Variants in ACP7 observed in about 807,000 individuals in gnomAD.
ACP7 encodes acid phosphatase 7, tartrate resistant (putative).
A neutral mutation model predicts 60.6 loss-of-function variants in ACP7; 58 were observed. That is an observed-to-expected ratio of 0.96 (90% CI 0.77 to 1.19). The LOEUF (loss-of-function observed/expected upper bound fraction) is 1.19, where lower values mean the gene tolerates loss of function less well. Ranked by LOEUF, ACP7 falls within the 50% of genes most tolerant of loss-of-function variation. ACP7 has a pLI of 0.00. For missense variants in ACP7, 574 were observed against 596.2 expected (o/e 0.96, Z 0.39); for synonymous variants, 237 against 232.6 (o/e 1.02, Z -0.17).
chr19:39,088,432 G>A (rs544470869), intron 2 of ACP7, among the ~76,000 whole-genome samples: 2 of 152,306 alleles, frequency 1.3e-5, no homozygotes, highest in East Asian at 3.9e-4. Flanking sequence ...TTTGCCTGGA[G>A]GCCTCTGTAA....
intron 4 of ACP7, 93 bp downstream of exon 4, chr19:39,099,235 C>T (rs1396119822): frequency 7.7e-7 from 1 of 1,299,048 alleles, no homozygotes; most frequent in South Asian, 1.6e-5. Flanking sequence ...GGGTCGGGGG[C>T]GGTGCTAGGA....
intron 2 of ACP7, among the ~76,000 whole-genome samples, chr19:39,086,487 C>T (rs1431246512): frequency 6.6e-6 from 1 of 150,850 alleles, no homozygotes; most frequent in East Asian, 2.0e-4. Context: ...AAAAAATTAG[C>T]TGGGCATGGT....
intron 1 of ACP7, 104 bp from the exon 2 acceptor site, chr19:39,084,988 T>G: frequency 3.0e-6 from 1 of 338,786 alleles, no homozygotes; most frequent in Non-Finnish European, 5.4e-6. Context: ...GTCGTGAGGC[T>G]TCCGTGAATT....
intron 12 of ACP7, among the ~76,000 whole-genome samples, chr19:39,109,548 T>C (rs1402218001): frequency 6.6e-6 from 1 of 151,382 alleles, no homozygotes; most frequent in Admixed American, 6.6e-5. Context: ...CTAGTAAAAA[T>C]ACAAAAATTA....
chr19:39,099,391 C>T (rs1035552601), intron 4 of ACP7, among the ~76,000 whole-genome samples: 1 of 152,174 alleles, frequency 6.6e-6, no homozygotes, highest in South Asian at 2.1e-4. Context: ...GGTTTTCCCC[C>T]GTATATTTTG....
intron 12 of ACP7, among the ~76,000 whole-genome samples, chr19:39,107,578 C>CAAAAAAAAAA (rs34130688): frequency 1.2e-5 from 1 of 81,202 alleles, no homozygotes; most frequent in Non-Finnish European, 2.4e-5. Flanking sequence ...GACTCTGTCT[C>CAAAAAAAAAA]AAAAAAAAAA....
chr19:39,105,553 C>T (rs2073402315), intron 11 of ACP7, among the ~76,000 whole-genome samples: 1 of 152,092 alleles, frequency 6.6e-6, no homozygotes, highest in East Asian at 1.9e-4. Flanking sequence ...TAGGATCTCA[C>T]TCTGTCCCCA....
In ACP7 at chr19:39,100,229, G is replaced by C; in HGVS notation, c.508G>C (p.Asp170His). The change falls in exon 5 of 13, where the codon GAC (aspartate) becomes CAC (histidine). Residue 170 changes from aspartate to histidine, a missense_variant and splice_region_variant. Transcript: ENST00000331256. Reference protein sequence around the residue: ...GMYDAVLHVGDFAYNLDQDNA... With the variant: ...GMYDAVLHVGHFAYNLDQDNA... The stretch of plus-strand genomic sequence containing the variant: ...CCTCCTTCCGCCCCCTCCCCCAGGA[G>C]ACTTTGCCTACAACCTGGATCAGGA... The C allele has an allele frequency of 6.2e-7, 1 of 1,613,934 alleles. No individual in the cohort carries two copies. Among genetic ancestry groups the C allele is most frequent in the Non-Finnish European group, 8.5e-7 (1 of 1,179,938 alleles).
intron 2 of ACP7, among the ~76,000 whole-genome samples, chr19:39,090,232 A>C (rs1224323283): frequency 6.6e-6 from 1 of 151,252 alleles, no homozygotes; most frequent in Non-Finnish European, 1.5e-5. Flanking sequence ...GCAGTGGCGC[A>C]ATCTCGGCTC....
At position 39,105,729 on chromosome 19, in the gene ACP7, C is replaced by G. The variant is rs1255317524; in HGVS notation, c.1114-1218C>G. On this transcript the variant is annotated intron_variant, in intron 11 of 12. Coordinates refer to ENST00000331256, the MANE Select transcript of ACP7 (RefSeq NM_001004318.3). ...GTTTCGCCATGTTGCCCAGGCTGGT[C>G]TTGAACTCCTGGGCTCAAGCAATCT... Among the ~76,000 whole-genome samples the G allele has an allele frequency of 2.6e-5, 4 of 151,894 alleles. 1 individual carries two copies. The highest frequency in any genetic ancestry group is 5.9e-5 in the Non-Finnish European group (4 of 67,990).
In ACP7 at chr19:39,085,144, TC is replaced by T; in HGVS notation, c.-121del. On this transcript the variant is annotated 5_prime_UTR_variant, in exon 2 of 13. Transcript: ENST00000331256. ...AGACCTCCCTGCCCTGCCTCTGTTG[TC>T]CCCCAGAGCACTGCCTGATCATCCT... The T allele has an allele frequency of 8.0e-7, 1 of 1,249,444 alleles. No individual in the cohort carries two copies. Among genetic ancestry groups the T allele is most frequent in the Non-Finnish European group, 1.1e-6 (1 of 913,948 alleles). 77.4% of individuals were successfully genotyped at this position (1,249,444 alleles called of 1,614,324 possible).
intron 11 of ACP7, among the ~76,000 whole-genome samples, chr19:39,105,024 T>A (rs1395850925): frequency 6.6e-6 from 1 of 152,096 alleles, no homozygotes; most frequent in Non-Finnish European, 1.5e-5. Flanking sequence ...TATTTATTTA[T>A]TTATTTTGAG....
intron 2 of ACP7, among the ~76,000 whole-genome samples, chr19:39,091,344 G>C (rs1348033054): frequency 6.6e-6 from 1 of 151,776 alleles, no homozygotes; most frequent in Non-Finnish European, 1.5e-5. Flanking sequence ...TGTATTTTTA[G>C]TAGAGACGGG....
At chr19:39,091,222 G>A (rs2073200883) in intron 2 of ACP7, among the ~76,000 whole-genome samples, 1 of 151,166 alleles carries the variant, frequency 6.6e-6, no homozygotes, top group African/African-American at 2.4e-5. Context: ...GAGTACAGTG[G>A]CGTGATCTCA....
chr19:39,109,970 A>G (rs1895971011), intron 12 of ACP7, 83 bp from the exon 13 acceptor site: 3 of 1,379,684 alleles, frequency 2.2e-6, no homozygotes, highest in Admixed American at 3.5e-5. Flanking sequence ...CAGAGGGCAG[A>G]GAGGGGACTG....
intron 10 of ACP7, 42 bp downstream of exon 10, chr19:39,101,397 AG>A: frequency 6.2e-7 from 1 of 1,613,846 alleles, no homozygotes. Context: ...AGCTGGGGTC[AG>A]GGTGGTCAGA....
chr19:39,097,185 C>T (rs1385437008), intron 2 of ACP7, among the ~76,000 whole-genome samples: 4 of 152,066 alleles, frequency 2.6e-5, no homozygotes, highest in East Asian at 1.9e-4. Context: ...CATCAGATCT[C>T]GTGAGACTTA....
chr19:39,108,267 G>A (rs1323624200), intron 12 of ACP7, among the ~76,000 whole-genome samples: 1 of 151,504 alleles, frequency 6.6e-6, no homozygotes, highest in African/African-American at 2.4e-5. Flanking sequence ...AGCCTCCCGA[G>A]TAGCTGGGAT....
In ACP7 at chr19:39,088,215, G is replaced by T. The variant is rs181774337; in HGVS notation, c.121+2825G>T. Among the ~76,000 whole-genome samples the T allele has an allele frequency of 1.3e-3, 190 of 151,746 alleles. 1 individual carries two copies. Among genetic ancestry groups the T allele is most frequent in the East Asian group, 3.5e-3 (18 of 5,116 alleles). On this transcript the variant is annotated intron_variant, in intron 2 of 12. Coordinates refer to ENST00000331256, the MANE Select transcript of ACP7 (RefSeq NM_001004318.3). ...TCTTTTTATTTTTTGTAGAGACAAGGTCTCACTATGTTGTCCAGGCTGGTC... is the reference window on the plus strand; with the variant it reads ...TCTTTTTATTTTTTGTAGAGACAAGTTCTCACTATGTTGTCCAGGCTGGTC...
Sources: gnomAD v4.1 joint callset for allele counts (sites outside exome capture counted in the v4.1 genomes callset) on GRCh38, gnomAD v4.1.1 for gene constraint, MANE v1.5 for transcripts, NCBI Gene and HGNC (gene_info 2026-07-23, HGNC 2026-07-21) for gene names.